RBFOX3: variants seen among roughly 807,000 people sequenced by gnomAD.
RBFOX3 encodes the protein RNA binding fox-1 homolog 3.
Under a neutral mutation model 48.7 loss-of-function variants are expected in RBFOX3, and 17 were observed. That is an observed-to-expected ratio of 0.35 (90% CI 0.24 to 0.52). The LOEUF is 0.52. Ranked by LOEUF, RBFOX3 falls within the 20% of genes least tolerant of loss-of-function variation. The probability of loss-of-function intolerance (pLI) is 0.94; values close to 1 mark genes in which losing one functional copy is unlikely to be tolerated. For synonymous variants in RBFOX3, 212 were observed against 209.5 expected, an observed-to-expected ratio of 1.01 and a Z score of -0.10; for missense variants, 382 against 497.5, an observed-to-expected ratio of 0.77 and a Z score of 2.21.
At position 79,097,643 on chromosome 17, in the gene RBFOX3, G is replaced by A. The variant is rs773285884; in HGVS notation, c.622+49C>T. On this transcript the variant is annotated intron_variant, in intron 10 of 14. Coordinates refer to ENST00000693108, the MANE Select transcript of RBFOX3 (RefSeq NM_001350451.2). ...CCCCCAGAGCCCCCGGAGCCCCACG[G>A]GGCCAAGTAGCTGGTCTCATCCCAT... The A allele has an allele frequency of 6.1e-4, 879 of 1,443,330 alleles. 1 individual carries two copies. The highest frequency in any genetic ancestry group is 5.3e-4 in the Middle Eastern group (3 of 5,640). 89.4% of individuals were successfully genotyped at this position (1,443,330 alleles called of 1,614,324 possible).
In RBFOX3 at chr17:79,094,453, T is replaced by G; in HGVS notation, c.1075A>C (p.Met359Leu). The G allele has an allele frequency of 6.7e-7, 1 of 1,494,462 alleles. No individual in the cohort carries two copies. Among genetic ancestry groups the G allele is most frequent in the Non-Finnish European group, 8.9e-7 (1 of 1,123,858 alleles). The allele number at this position is 1,494,462 out of a possible 1,614,324, so 92.6% of individuals were successfully genotyped here. Residue 359 changes from methionine (M) to leucine (L), a missense_variant and splice_region_variant, in exon 14 of 15, where the codon ATG becomes CTG. Met to Leu is a conservative substitution (Grantham distance 15). Transcript: ENST00000693108. ...GPAATYSIGT[M>L] ...CTGGGCGGGCCTGGGCTCCTTACCA[T>G]GGTTCCAATGCTGTAGGTCGCCGCG... is the stretch of plus-strand genomic sequence containing the variant.
At chr17:79,141,445 GA>G (rs1374809954) in intron 4 of RBFOX3, among the ~76,000 whole-genome samples, 2 of 152,168 alleles carry the variant, frequency 1.3e-5, no homozygotes, top group African/African-American at 4.8e-5. Context: ...ATCTGATTCT[GA>G]AATCTCAGTT....
intron 1 of RBFOX3, among the ~76,000 whole-genome samples, chr17:79,551,568 GGATA>G (rs1168749206): frequency 1.3e-5 from 2 of 151,118 alleles, no homozygotes; most frequent in African/African-American, 4.9e-5. Context: ...GATGGAAGGT[GGATA>G]GATAGGTAGG....
the RBFOX3 span, among the ~76,000 whole-genome samples, chr17:79,622,216 C>A: frequency 6.6e-6 from 1 of 152,212 alleles, no homozygotes; most frequent in Non-Finnish European, 1.5e-5. Context: ...CAGCCAGACT[C>A]ACATCTTGGC....
At chr17:79,194,021 G>A (rs1846414149) in intron 4 of RBFOX3, among the ~76,000 whole-genome samples, 1 of 152,200 alleles carries the variant, frequency 6.6e-6, no homozygotes, top group African/African-American at 2.4e-5. Flanking sequence ...GCTCGAGCCT[G>A]ACAGAAGGCA....
intron 4 of RBFOX3, among the ~76,000 whole-genome samples, chr17:79,181,098 C>T (rs1224427770): frequency 6.6e-6 from 1 of 152,164 alleles, no homozygotes; most frequent in Non-Finnish European, 1.5e-5. Context: ...CGGAGGCTTG[C>T]CTCTACTTCA....
intron 2 of RBFOX3, among the ~76,000 whole-genome samples, chr17:79,374,666 C>A (rs776338054): frequency 1.3e-5 from 2 of 152,232 alleles, no homozygotes; most frequent in African/African-American, 4.8e-5. Context: ...CGCATGTTTG[C>A]GGGCTTTCTC....
At chr17:79,526,162 A>T (rs1357260276) in intron 1 of RBFOX3, among the ~76,000 whole-genome samples, 1 of 152,140 alleles carries the variant, frequency 6.6e-6, no homozygotes, top group African/African-American at 2.4e-5. Context: ...CCTCAGGGAG[A>T]GCTAGCAAGT....
At chr17:79,271,816 C>A (rs1053367255) in intron 3 of RBFOX3, among the ~76,000 whole-genome samples, 2 of 152,206 alleles carry the variant, frequency 1.3e-5, no homozygotes, top group African/African-American at 4.8e-5. Flanking sequence ...GATCCTACTC[C>A]CAGGACACCA....
chr17:79,265,833 C>T (rs569283297), intron 3 of RBFOX3, among the ~76,000 whole-genome samples: 89 of 152,300 alleles, frequency 5.8e-4, no homozygotes, highest in South Asian at 2.1e-3. Context: ...CTGGGCAGGT[C>T]GTGTCTACCG....
At chr17:79,290,519 T>A (rs2073045157) in intron 3 of RBFOX3, among the ~76,000 whole-genome samples, 1 of 151,906 alleles carries the variant, frequency 6.6e-6, no homozygotes, top group Non-Finnish European at 1.5e-5. Context: ...TGGGAAGTGG[T>A]TCAACACATG....
At chr17:79,658,792 G>A in the RBFOX3 span, among the ~76,000 whole-genome samples, 5 of 152,118 alleles carry the variant, frequency 3.3e-5, no homozygotes, top group Admixed American at 2.0e-4. Flanking sequence ...CTCATTCATC[G>A]GCCCTGAAAA....
At chr17:79,353,380 A>G (rs1443106880) in intron 2 of RBFOX3, among the ~76,000 whole-genome samples, 1 of 152,104 alleles carries the variant, frequency 6.6e-6, no homozygotes, top group African/African-American at 2.4e-5. Context: ...GAGTGGGAGC[A>G]CACTTGCATG....
At chr17:79,335,989 C>T (rs747185349) in intron 2 of RBFOX3, among the ~76,000 whole-genome samples, 2 of 152,232 alleles carry the variant, frequency 1.3e-5, no homozygotes, top group South Asian at 4.1e-4. Flanking sequence ...GGTCTGCCTG[C>T]GCCGCTTCGT....
chr17:79,389,755 C>T (rs944745179), intron 2 of RBFOX3, among the ~76,000 whole-genome samples: 4 of 152,308 alleles, frequency 2.6e-5, no homozygotes, highest in Middle Eastern at 6.8e-3. Context: ...ACTTGGGGAA[C>T]CAGTGCTCAG....
At chr17:79,266,025 T>C (rs1377279847) in intron 3 of RBFOX3, among the ~76,000 whole-genome samples, 1 of 152,244 alleles carries the variant, frequency 6.6e-6, no homozygotes, top group East Asian at 1.9e-4. Flanking sequence ...AGAGCTGACT[T>C]TTCCCAGAGG....
intron 2 of RBFOX3, among the ~76,000 whole-genome samples, chr17:79,446,380 G>GA (rs1485030721): frequency 2.0e-5 from 3 of 152,202 alleles, no homozygotes; most frequent in African/African-American, 7.2e-5. Flanking sequence ...GGGAGGAGAG[G>GA]AATGATTGTG....
Position 79,096,739 on chromosome 17 carries a change from G to A in RBFOX3, c.850C>T (p.Pro284Ser). The A allele has an allele frequency of 6.5e-7, 1 of 1,537,220 alleles. No homozygotes were observed. Among genetic ancestry groups the A allele is most frequent in the African/African-American group, 1.4e-5 (1 of 72,874 alleles). The change falls in exon 12 of 15, where the codon CCC (proline) becomes TCC (serine). Residue 284 changes from proline to serine, a missense_variant. Physicochemically the swap from Pro to Ser is moderately conservative, Grantham distance 74. This residue lies in a region of RBFOX3 where 215 missense variants were observed against 254.8 expected (regional missense o/e 0.84). Coordinates refer to ENST00000693108, the MANE Select transcript of RBFOX3 (RefSeq NM_001350451.2). ...PPQQTPEPAY[P>S]TSPAFPPLSC... ...AGTGGTGGGAACGCTGGAGAGGTGGGGTAGGCCGGCTCCGGTGTCTGCTGA... is the reference window on the plus strand; with the variant it reads ...AGTGGTGGGAACGCTGGAGAGGTGGAGTAGGCCGGCTCCGGTGTCTGCTGA...
chr17:79,551,806 A>G (rs1241631807), intron 1 of RBFOX3, among the ~76,000 whole-genome samples: 1 of 152,148 alleles, frequency 6.6e-6, no homozygotes, highest in Non-Finnish European at 1.5e-5. Flanking sequence ...CTGTGATTGT[A>G]AGCTTCTTGC....
Sources: allele counts gnomAD v4.1 joint callset (sites outside exome capture counted in the v4.1 genomes callset), GRCh38; gene constraint gnomAD v4.1.1; regional missense constraint gnomAD v4.1.1; transcripts MANE v1.5; gene names NCBI Gene and HGNC (gene_info 2026-07-23, HGNC 2026-07-21).